PHACTR3: variants seen among roughly 807,000 people sequenced by gnomAD.
PHACTR3 encodes protein phosphatase 1, regulatory subunit 123.
A neutral mutation model predicts 66.8 loss-of-function variants in PHACTR3; 16 were observed. That is an observed-to-expected ratio of 0.24 (90% CI 0.16 to 0.36). The LOEUF is 0.36. Ranked by LOEUF, PHACTR3 falls within the 10% of genes least tolerant of loss-of-function variation. The pLI is 1.00. For missense variants in PHACTR3, 647 were observed against 719.9 expected, an observed-to-expected ratio of 0.90 and a Z score of 1.16; for synonymous variants, 323 against 292.1, an observed-to-expected ratio of 1.11 and a Z score of -1.08.
chr20:59,704,848 T>G (rs2037641962), intron 1 of PHACTR3, among the ~76,000 whole-genome samples: 1 of 152,118 alleles, frequency 6.6e-6, no homozygotes, highest in Non-Finnish European at 1.5e-5. Flanking sequence ...TAAAATACAA[T>G]GAGAATTACA....
chr20:59,652,523 A>G (rs1163393256), intron 1 of PHACTR3, among the ~76,000 whole-genome samples: 2 of 152,140 alleles, frequency 1.3e-5, no homozygotes, highest in African/African-American at 4.8e-5. Flanking sequence ...GTGCCACTGC[A>G]CTCCAGCCTG....
chr20:59,636,786 C>T (rs1337689334), intron 1 of PHACTR3, among the ~76,000 whole-genome samples: 1 of 152,128 alleles, frequency 6.6e-6, no homozygotes, highest in Non-Finnish European at 1.5e-5. Flanking sequence ...ATTATTAATA[C>T]AGTGATGAAA....
At position 59,734,056 on chromosome 20, in the gene PHACTR3, A is replaced by G. The variant is rs1215732486; in HGVS notation, c.119-9051A>G. ...GCTCCAGGTCCCTCAATGACTCCAC[A>G]TTGTCCCCAGGACTCTTATCACAGC... On this transcript the variant is annotated intron_variant, in intron 1 of 12. Transcript: ENST00000371015. Among the ~76,000 whole-genome samples the G allele has an allele frequency of 2.0e-5, 3 of 151,444 alleles. No individual in the cohort carries two copies. The East Asian group carries it at 5.9e-4, about 30-fold the overall frequency.
At chr20:59,755,552 C>G (rs923687762) in intron 4 of PHACTR3, among the ~76,000 whole-genome samples, 188 bp downstream of exon 4, 1 of 152,228 alleles carries the variant, frequency 6.6e-6, no homozygotes, top group Non-Finnish European at 1.5e-5. Flanking sequence ...GGGCACTTTT[C>G]TCTACTGTCT....
chr20:59,686,440 C>A (rs995338561), intron 1 of PHACTR3, among the ~76,000 whole-genome samples: 1 of 152,198 alleles, frequency 6.6e-6, no homozygotes, highest in African/African-American at 2.4e-5. Context: ...CAATGCCCAC[C>A]ACATAGTAAT....
chr20:59,740,331 A>G (rs886917021), intron 1 of PHACTR3, among the ~76,000 whole-genome samples: 1 of 152,020 alleles, frequency 6.6e-6, no homozygotes, highest in Non-Finnish European at 1.5e-5. Context: ...TTTTAGAGAC[A>G]GGGTCTCTCT....
upstream of PHACTR3, among the ~76,000 whole-genome samples, chr20:59,600,963 AG>A (rs2033463518): frequency 6.6e-6 from 1 of 150,906 alleles, no homozygotes; most frequent in Admixed American, 6.6e-5. Flanking sequence ...TTTTTTTTAA[AG>A]CTTTATTGAA....
At chr20:59,585,543 C>T (rs1478802029) in intron 1 of PHACTR3, among the ~76,000 whole-genome samples, 1 of 152,124 alleles carries the variant, frequency 6.6e-6, no homozygotes, top group African/African-American at 2.4e-5. Context: ...CAGTAATCAC[C>T]CTGTTCACTC....
At position 59,754,584 on chromosome 20, in the gene PHACTR3, T is replaced by C. The variant is rs184835447; in HGVS notation, c.359-598T>C. On this transcript the variant is annotated intron_variant, in intron 3 of 12. Coordinates refer to ENST00000371015, the MANE Select transcript of PHACTR3 (RefSeq NM_080672.5). ...TAATGCCTGGCTGAGGGTCAAACGG[T>C]GGGTGCAGAGGTGAGTTGGTTCTCT... Among the ~76,000 whole-genome samples, 1,050 of 152,314 alleles carry C rather than the reference T, an allele frequency of 6.9e-3. 7 individuals carry two copies. The highest frequency in any genetic ancestry group is 0.017 in the Middle Eastern group (5 of 294).
At chr20:59,781,349 A>C (rs977683643) in intron 7 of PHACTR3, among the ~76,000 whole-genome samples, 1 of 152,234 alleles carries the variant, frequency 6.6e-6, no homozygotes, top group Non-Finnish European at 1.5e-5. Context: ...ACCTGCCATG[A>C]GCCACCCGTC....
chr20:59,670,901 C>T (rs1299090104), intron 1 of PHACTR3, among the ~76,000 whole-genome samples: 1 of 152,176 alleles, frequency 6.6e-6, no homozygotes, highest in African/African-American at 2.4e-5. Flanking sequence ...TCACCAGCAC[C>T]TTAAATGTTC....
intron 1 of PHACTR3, among the ~76,000 whole-genome samples, chr20:59,722,488 G>A (rs2038355893): frequency 6.6e-6 from 1 of 152,174 alleles, no homozygotes. Flanking sequence ...GGAGCATGAT[G>A]GAGAAGGCAC....
intron 1 of PHACTR3, among the ~76,000 whole-genome samples, chr20:59,619,827 C>T (rs149048297): frequency 1.0e-3 from 158 of 152,292 alleles, no homozygotes; most frequent in African/African-American, 3.6e-3. Context: ...GCTACCCTGG[C>T]GGAGCTGAGA....
At chr20:59,673,807 C>T (rs1045611402) in intron 1 of PHACTR3, among the ~76,000 whole-genome samples, 2 of 152,172 alleles carry the variant, frequency 1.3e-5, no homozygotes, top group Admixed American at 6.5e-5. Context: ...ATCTACACCC[C>T]TCCCAAATGT....
chr20:59,676,784 A>G, intron 1 of PHACTR3: 2 of 947,980 alleles, frequency 2.1e-6, no homozygotes, highest in Non-Finnish European at 1.3e-6. Flanking sequence ...TTTGCCCCAC[A>G]TCTCTGGTGA....
intron 1 of PHACTR3, among the ~76,000 whole-genome samples, chr20:59,678,984 C>T (rs1030777236): frequency 5.3e-5 from 8 of 152,176 alleles, no homozygotes; most frequent in Middle Eastern, 3.2e-3. Flanking sequence ...AAGTAATTTG[C>T]ATCTCTCACA....
chr20:59,720,778 G>A (rs1320865846), intron 1 of PHACTR3, among the ~76,000 whole-genome samples: 3 of 152,340 alleles, frequency 2.0e-5, no homozygotes, highest in Non-Finnish European at 4.4e-5. Flanking sequence ...GCAGATTCCA[G>A]AAGGAACTGC....
chr20:59,688,747 T>TG (rs1454509045), intron 1 of PHACTR3, among the ~76,000 whole-genome samples: 1 of 151,988 alleles, frequency 6.6e-6, no homozygotes. Context: ...TGGAACACAG[T>TG]GGGGGTAATG....
intron 1 of PHACTR3, among the ~76,000 whole-genome samples, chr20:59,724,102 G>C (rs1158555740): frequency 6.6e-6 from 1 of 152,108 alleles, no homozygotes; most frequent in Non-Finnish European, 1.5e-5. Flanking sequence ...ACACATCCCT[G>C]GCCACGAGAG....
Sources: allele counts gnomAD v4.1 joint callset (sites outside exome capture counted in the v4.1 genomes callset), GRCh38; gene constraint gnomAD v4.1.1; transcripts MANE v1.5; gene names NCBI Gene and HGNC (gene_info 2026-07-23, HGNC 2026-07-21).